NEXMIF: variants seen among roughly 807,000 people sequenced by gnomAD.
NEXMIF encodes the protein neurite extension and migration factor.
NEXMIF carries 8 observed loss-of-function variants against 62.1 expected under a neutral mutation model. That is an observed-to-expected ratio of 0.13 (90% confidence interval 0.08 to 0.23). The LOEUF (loss-of-function observed/expected upper bound fraction) is 0.23, where lower values mean the gene tolerates loss of function less well. Ranked by LOEUF, NEXMIF falls within the 10% of genes least tolerant of loss-of-function variation. NEXMIF has a pLI of 1.00. For synonymous variants in NEXMIF, 404 were observed against 416.6 expected, an observed-to-expected ratio of 0.97 and a Z score of 0.37; for missense variants, 976 against 1,113.3, an observed-to-expected ratio of 0.88 and a Z score of 1.75.
At chrX:74,819,947 T>C (rs1602239082) in intron 1 of NEXMIF, among the ~76,000 whole-genome samples, 1 of 111,846 alleles carries the variant, frequency 8.9e-6, no homozygotes, top group Non-Finnish European at 1.9e-5. Flanking sequence ...GAAATGTCCA[T>C]CAATGATAGA....
At chrX:74,898,594 TACC>T (rs957525771) in intron 1 of NEXMIF, among the ~76,000 whole-genome samples, 4 of 111,881 alleles carry the variant, frequency 3.6e-5, no homozygotes, top group African/African-American at 1.3e-4. Context: ...GTGACAAACG[TACC>T]ACACTCTTGG....
At chrX:74,858,893 T>C (rs2080545114) in intron 1 of NEXMIF, among the ~76,000 whole-genome samples, 1 of 109,628 alleles carries the variant, frequency 9.1e-6, no homozygotes, top group Admixed American at 9.8e-5. Flanking sequence ...CATCAGTCTT[T>C]TAATAGCAGA....
chrX:74,855,262 A>G (rs2080530574), intron 1 of NEXMIF, among the ~76,000 whole-genome samples: 2 of 112,115 alleles, frequency 1.8e-5, no homozygotes, highest in Admixed American at 1.9e-4. Context: ...AACAAAGCCC[A>G]TATTTACAGT....
intron 1 of NEXMIF, among the ~76,000 whole-genome samples, chrX:74,884,150 A>G (rs2080679229): frequency 8.9e-6 from 1 of 112,129 alleles, no homozygotes; most frequent in African/African-American, 3.2e-5. Flanking sequence ...AGGAAGCACT[A>G]AACATGGAAA....
chrX:74,748,804 G>A lies in NEXMIF; in HGVS notation c.-47-3107C>T, dbSNP rs1045888883. On this transcript the variant is annotated intron_variant, in intron 1 of 3. Transcript: ENST00000055682. ...TGAAGTCTAAGGTCTCAGAGTCTAG[G>A]TGACCCACACCAACATTTGTGTTGA... is the stretch of plus-strand genomic sequence containing the variant. Among the ~76,000 whole-genome samples the A allele has an allele frequency of 3.6e-5, 4 of 111,363 alleles. No individual in the cohort carries two copies. The Admixed American group carries it at 3.8e-4, about 11-fold the overall frequency.
intron 1 of NEXMIF, among the ~76,000 whole-genome samples, chrX:74,801,575 C>A (rs1276728316): frequency 8.9e-6 from 1 of 111,808 alleles, no homozygotes; most frequent in African/African-American, 3.3e-5. Context: ...TGGTACTACA[C>A]TGAAGGTCTT....
intron 1 of NEXMIF, among the ~76,000 whole-genome samples, chrX:74,762,762 C>T (rs1282134532): frequency 1.3e-4 from 15 of 111,766 alleles, no homozygotes; most frequent in Non-Finnish European, 9.4e-5. Context: ...TAAATGTCTT[C>T]TTTGGAGAAG....
chrX:74,813,437 A>C (rs1025106868), intron 1 of NEXMIF, among the ~76,000 whole-genome samples: 1 of 112,190 alleles, frequency 8.9e-6, no homozygotes, highest in Non-Finnish European at 1.9e-5. Flanking sequence ...AGAGCTGCCC[A>C]CAGTTGCCAC....
chrX:74,826,596 T>C (rs758581257), intron 1 of NEXMIF, among the ~76,000 whole-genome samples: 5 of 112,056 alleles, frequency 4.5e-5, no homozygotes, highest in Non-Finnish European at 9.4e-5. Context: ...TTTCCTTTGC[T>C]GTGAAGAAAG....
At chrX:74,795,122 TG>T (rs1410727410) in intron 1 of NEXMIF, among the ~76,000 whole-genome samples, 1 of 112,108 alleles carries the variant, frequency 8.9e-6, no homozygotes, top group African/African-American at 3.2e-5. Flanking sequence ...CCAGACTTCT[TG>T]GAAAGGAATT....
chrX:74,828,935 A>AC (rs1223662932), intron 1 of NEXMIF, among the ~76,000 whole-genome samples: 1 of 112,110 alleles, frequency 8.9e-6, no homozygotes, highest in Admixed American at 9.5e-5. Context: ...CTCATGACCG[A>AC]CAACACCTGC....
rs187569186 is a variant in NEXMIF at position 74,850,557 on chromosome X, C to T, written c.-48+74326G>A. Among the ~76,000 whole-genome samples the T allele has an allele frequency of 2.3e-3, 260 of 112,063 alleles. 2 individuals carry two copies. Among genetic ancestry groups the T allele is most frequent in the East Asian group, 0.021 (75 of 3,566 alleles). On this transcript the variant is annotated intron_variant, in intron 1 of 3. Coordinates refer to ENST00000055682, the MANE Select transcript of NEXMIF (RefSeq NM_001008537.3). ...AGTGCCCAGCAAAGCTTCACCACAGCCTTCACTAACAACCACACCCTAAGC... is the reference window on the plus strand; with the variant it reads ...AGTGCCCAGCAAAGCTTCACCACAGTCTTCACTAACAACCACACCCTAAGC...
chrX:74,841,758 T>C (rs751119318), intron 1 of NEXMIF, among the ~76,000 whole-genome samples: 3 of 112,219 alleles, frequency 2.7e-5, no homozygotes, highest in African/African-American at 9.7e-5. Context: ...TGTTTTTAGT[T>C]CTGTTTATGT....
chrX:74,820,835 C>T (rs968961501), intron 1 of NEXMIF, among the ~76,000 whole-genome samples: 5 of 110,937 alleles, frequency 4.5e-5, no homozygotes, highest in Non-Finnish European at 7.5e-5. Flanking sequence ...GACATAAAGA[C>T]GGGAACAATG....
chrX:74,830,985 T>C (rs1266930275), intron 1 of NEXMIF, among the ~76,000 whole-genome samples: 2 of 111,094 alleles, frequency 1.8e-5, no homozygotes, highest in East Asian at 5.7e-4. Context: ...TGTAAGATTA[T>C]ATCATCTGCA....
chrX:74,751,693 TCTTCCTTC>T (rs1277520981), intron 1 of NEXMIF, among the ~76,000 whole-genome samples: 1 of 73,896 alleles, frequency 1.4e-5, no homozygotes, highest in African/African-American at 5.3e-5. Context: ...CTCCCTCTTT[TCTTCCTTC>T]CTTCCTTCCT....
chrX:74,880,629 T>A (rs16991826), intron 1 of NEXMIF, among the ~76,000 whole-genome samples: 1 of 112,080 alleles, frequency 8.9e-6, no homozygotes, highest in Admixed American at 9.5e-5. Flanking sequence ...TAAAGCCTAA[T>A]GGAATGAGCA....
intron 1 of NEXMIF, among the ~76,000 whole-genome samples, chrX:74,875,891 CCTT>C (rs1184705186): frequency 2.5e-4 from 28 of 110,373 alleles, no homozygotes; most frequent in Non-Finnish European, 4.7e-4. Flanking sequence ...CTCTTTTTTT[CCTT>C]ATTAGTCTTG....
At chrX:74,824,581 A>G (rs984846167) in intron 1 of NEXMIF, among the ~76,000 whole-genome samples, 7 of 111,818 alleles carry the variant, frequency 6.3e-5, no homozygotes, top group African/African-American at 2.3e-4. Context: ...TTCTTTGACA[A>G]ACTGTCTTCA....
Sources: gnomAD v4.1 joint callset for allele counts (sites outside exome capture counted in the v4.1 genomes callset) on GRCh38, gnomAD v4.1.1 for gene constraint, MANE v1.5 for transcripts, NCBI Gene and HGNC (gene_info 2026-07-23, HGNC 2026-07-21) for gene names.